The following MOB3B variants were observed in gnomAD, a reference collection of about 807,000 sequenced individuals.
MOB3B encodes MOB kinase activator-like 2B.
MOB3B carries 7 observed loss-of-function variants against 18.7 expected under a neutral mutation model. That is an observed-to-expected ratio of 0.37 (90% CI 0.21 to 0.70). MOB3B has a LOEUF of 0.70. MOB3B is among the 30% of genes least tolerant of loss of function. The pLI, the probability that MOB3B is intolerant of heterozygous loss-of-function variation, is 0.52. For missense variants in MOB3B, 253 were observed against 281.3 expected (o/e 0.90, Z 0.72); for synonymous variants, 111 against 99.9 (o/e 1.11, Z -0.66).
At chr9:27,356,075 T>A (rs1821186905) in intron 3 of MOB3B, among the ~76,000 whole-genome samples, 1 of 152,204 alleles carries the variant, frequency 6.6e-6, no homozygotes, top group Admixed American at 6.5e-5. Flanking sequence ...CAGAGCCTGA[T>A]ATTATATGAT....
intron 3 of MOB3B, chr9:27,358,750 T>C (rs891009075): frequency 6.5e-6 from 4 of 613,408 alleles, no homozygotes. Context: ...AGTGGAAGAA[T>C]GACTTTGGAA....
intron 1 of MOB3B, among the ~76,000 whole-genome samples, chr9:27,528,277 CG>C (rs1820467685): frequency 6.6e-6 from 1 of 152,230 alleles, no homozygotes; most frequent in South Asian, 2.1e-4. Context: ...AAAGGTGCCC[CG>C]ATCCCCTCCC....
At chr9:27,404,315 TTTTCTTTC>T (rs200137447) in intron 2 of MOB3B, among the ~76,000 whole-genome samples, 1 of 149,676 alleles carries the variant, frequency 6.7e-6, no homozygotes, top group African/African-American at 2.5e-5. Flanking sequence ...ATAAACCACA[TTTTCTTTC>T]TTTCTTTCTT....
In MOB3B at chr9:27,369,695, A is replaced by C. The variant is rs370799903; in HGVS notation, c.419-10459T>G. ...TGTAATACTCCAGCCATCTGAAGCT[A>C]CGATCCTCTTTCTCACTTGCTTCTG... On this transcript the variant is annotated intron_variant, in intron 2 of 3. Transcript: ENST00000262244. 3.3e-5 allele frequency among the ~76,000 whole-genome samples: 5 copies of C among 152,360 alleles called. No homozygotes were observed. The South Asian group carries it at 1.0e-3, about 32-fold the overall frequency.
chr9:27,329,057 G>T lies in MOB3B; in HGVS notation c.*1530C>A, dbSNP rs143228800. 1 of 152,212 alleles carries T rather than the reference G, an allele frequency of 6.6e-6. No homozygotes were observed. The highest frequency in any genetic ancestry group is 1.5e-5 in the Non-Finnish European group (1 of 68,020). 9.4% of individuals were successfully genotyped at this position (152,212 alleles called of 1,614,324 possible). ...ACAGCCCTTTCTTAGCTTGGACAAA[G>T]ATTTCATGATTCTAGTCTTTTGTGG... On this transcript the variant is annotated 3_prime_UTR_variant, in exon 4 of 4. Transcript: ENST00000262244.
intron 1 of MOB3B, among the ~76,000 whole-genome samples, chr9:27,522,850 T>G (rs1420158774): frequency 6.6e-6 from 1 of 152,006 alleles, no homozygotes; most frequent in Non-Finnish European, 1.5e-5. Context: ...GTTTTCCAAA[T>G]TTGGTCAGCC....
intron 2 of MOB3B, among the ~76,000 whole-genome samples, chr9:27,361,535 C>G (rs1410247083): frequency 1.3e-5 from 2 of 152,212 alleles, no homozygotes. Context: ...TTAGCTTTCT[C>G]TGCCCAGGCC....
At position 27,352,154 on chromosome 9, in the gene MOB3B, A is replaced by G. The variant is rs548061243; in HGVS notation, c.621+6880T>C. On this transcript the variant is annotated intron_variant, in intron 3 of 3. Transcript: ENST00000262244. ...CCAGCACTTTGGGAGGTCAAGGCAG[A>G]AGGATCACTTGAGCTCAGGAGTTCC... Among the ~76,000 whole-genome samples the G allele has an allele frequency of 2.0e-5, 3 of 152,264 alleles. No individual in the cohort carries two copies. The East Asian group carries it at 5.8e-4, about 29-fold the overall frequency.
At chr9:27,340,512 A>G (rs995217017) in intron 3 of MOB3B, among the ~76,000 whole-genome samples, 5 of 152,158 alleles carry the variant, frequency 3.3e-5, no homozygotes, top group African/African-American at 1.2e-4. Context: ...TGAAAGCAAG[A>G]GCATTAATCA....
At chr9:27,363,286 G>GT (rs966677009) in intron 2 of MOB3B, among the ~76,000 whole-genome samples, 4 of 152,014 alleles carry the variant, frequency 2.6e-5, no homozygotes, top group African/African-American at 7.2e-5. Context: ...TTGTTTTTGT[G>GT]TTTTTTTGAG....
At chr9:27,523,476 A>G (rs569549814) in intron 1 of MOB3B, among the ~76,000 whole-genome samples, 3 of 148,118 alleles carry the variant, frequency 2.0e-5, no homozygotes, top group Admixed American at 6.7e-5. Context: ...AAAAAAAAAA[A>G]GAAAAGAAAA....
chr9:27,398,728 A>G (rs1419154890), intron 2 of MOB3B, among the ~76,000 whole-genome samples: 1 of 152,236 alleles, frequency 6.6e-6, no homozygotes, highest in African/African-American at 2.4e-5. Flanking sequence ...CTGACCATGT[A>G]ATACCACCAA....
intron 2 of MOB3B, among the ~76,000 whole-genome samples, chr9:27,411,935 T>C (rs948843360): frequency 7.9e-5 from 12 of 152,190 alleles, no homozygotes; most frequent in Admixed American, 1.3e-4. Context: ...GGAAGGGGCA[T>C]GTGAGAACCC....
intron 2 of MOB3B, among the ~76,000 whole-genome samples, chr9:27,370,726 T>C (rs1351907249): frequency 6.6e-6 from 1 of 152,168 alleles, no homozygotes; most frequent in Non-Finnish European, 1.5e-5. Context: ...GGTATTTTTG[T>C]TGTAGCAGCT....
chr9:27,447,544 C>T (rs935336756), intron 2 of MOB3B, among the ~76,000 whole-genome samples: 1 of 152,182 alleles, frequency 6.6e-6, no homozygotes, highest in African/African-American at 2.4e-5. Flanking sequence ...TTACATAGCA[C>T]AGGTAATGGA....
intron 2 of MOB3B, among the ~76,000 whole-genome samples, chr9:27,442,720 T>C (rs1460348941): frequency 1.3e-5 from 2 of 152,204 alleles, no homozygotes; most frequent in African/African-American, 4.8e-5. Flanking sequence ...GCTCTTGTTA[T>C]AATATTATAT....
At chr9:27,511,785 C>T (rs1405904425) in intron 1 of MOB3B, among the ~76,000 whole-genome samples, 1 of 152,022 alleles carries the variant, frequency 6.6e-6, no homozygotes, top group East Asian at 1.9e-4. Context: ...CTATAATGTG[C>T]CCCATTATGC....
intron 2 of MOB3B, among the ~76,000 whole-genome samples, chr9:27,403,235 G>T (rs1395414033): frequency 6.6e-6 from 1 of 152,180 alleles, no homozygotes; most frequent in South Asian, 2.1e-4. Flanking sequence ...TCAAGTAATG[G>T]CCAGTTTATA....
At chr9:27,382,589 T>C (rs573748531) in intron 2 of MOB3B, among the ~76,000 whole-genome samples, 66 of 152,260 alleles carry the variant, frequency 4.3e-4, no homozygotes, top group Non-Finnish European at 8.2e-4. Context: ...CCGTGGCTCC[T>C]ACCTAGGCTG....
Sources: gnomAD v4.1 joint callset for allele counts (sites outside exome capture counted in the v4.1 genomes callset) on GRCh38, gnomAD v4.1.1 for gene constraint, MANE v1.5 for transcripts, NCBI Gene and HGNC (gene_info 2026-07-23, HGNC 2026-07-21) for gene names.